IMMP2L: variants seen among roughly 807,000 people sequenced by gnomAD.
IMMP2L encodes mitochondrial inner membrane protease subunit 2.
In IMMP2L, 18 loss-of-function variants were observed where a neutral mutation model predicts 19.3. The observed-to-expected ratio is 0.93, with a 90% CI of 0.64 to 1.38. IMMP2L has a LOEUF of 1.38. IMMP2L is among the 40% of genes most tolerant of loss of function. The pLI is 0.00. For synonymous variants in IMMP2L, 76 were observed against 73.0 expected, an observed-to-expected ratio of 1.04 and a Z score of -0.21; for missense variants, 233 against 218.2, an observed-to-expected ratio of 1.07 and a Z score of -0.43.
chr7:111,320,395 C>T (rs1012510532), intron 3 of IMMP2L, among the ~76,000 whole-genome samples: 1 of 152,112 alleles, frequency 6.6e-6, no homozygotes, highest in African/African-American at 2.4e-5. Flanking sequence ...TCAGCATTTG[C>T]TTCAGCCCAT....
intron 5 of IMMP2L, among the ~76,000 whole-genome samples, chr7:110,756,093 G>A (rs1351795371): frequency 6.6e-6 from 1 of 152,060 alleles, no homozygotes; most frequent in Non-Finnish European, 1.5e-5. Flanking sequence ...GACTACTGAA[G>A]GGACCACTGT....
chr7:110,788,512 CTTCTT>C (rs1411046497), intron 5 of IMMP2L, among the ~76,000 whole-genome samples: 1 of 151,604 alleles, frequency 6.6e-6, no homozygotes, highest in Non-Finnish European at 1.5e-5. Context: ...GTCCTTGGAC[CTTCTT>C]TTCTTTACTT....
At chr7:111,376,841 T>C (rs558613411) in intron 3 of IMMP2L, among the ~76,000 whole-genome samples, 48 of 152,126 alleles carry the variant, frequency 3.2e-4, no homozygotes, top group African/African-American at 9.6e-4. Context: ...ATGTTCAGAA[T>C]AGGAAAATCT....
chr7:110,688,163 C>A (rs1018931380), intron 5 of IMMP2L, among the ~76,000 whole-genome samples: 1 of 151,912 alleles, frequency 6.6e-6, no homozygotes, highest in Non-Finnish European at 1.5e-5. Flanking sequence ...CCAGTTTATG[C>A]CATGTGAATT....
intron 5 of IMMP2L, among the ~76,000 whole-genome samples, chr7:110,839,907 C>T (rs1804893285): frequency 6.6e-6 from 1 of 152,112 alleles, no homozygotes; most frequent in Non-Finnish European, 1.5e-5. Context: ...ACATCCCTCC[C>T]TCCCATGGTT....
chr7:110,975,366 G>A (rs1448449087), intron 3 of IMMP2L, among the ~76,000 whole-genome samples: 4 of 152,108 alleles, frequency 2.6e-5, no homozygotes, highest in Non-Finnish European at 5.9e-5. Context: ...AGACTCAGCT[G>A]TTTAGAATGC....
intron 3 of IMMP2L, among the ~76,000 whole-genome samples, chr7:111,312,070 T>A (rs915631227): frequency 6.6e-6 from 1 of 152,102 alleles, no homozygotes; most frequent in Non-Finnish European, 1.5e-5. Context: ...GGGTCACACA[T>A]GATAAACCCA....
At chr7:111,060,867 T>C (rs73418031) in intron 3 of IMMP2L, among the ~76,000 whole-genome samples, 17,983 of 152,262 alleles carry the variant, frequency 0.12, 1,428 homozygotes, top group Middle Eastern at 0.21. Flanking sequence ...CCTAAAACTT[T>C]AGCTATTTCA....
chr7:110,774,648 C>T (rs1006511276), intron 5 of IMMP2L, among the ~76,000 whole-genome samples: 3 of 151,874 alleles, frequency 2.0e-5, no homozygotes, highest in African/African-American at 7.3e-5. Context: ...TGTTTAGATG[C>T]ACAGGTACTT....
At chr7:111,445,844 G>A (rs968561318) in intron 3 of IMMP2L, among the ~76,000 whole-genome samples, 1 of 152,168 alleles carries the variant, frequency 6.6e-6, no homozygotes, top group Non-Finnish European at 1.5e-5. Context: ...AGGCCAGTGG[G>A]TGCGCGCACC....
At chr7:111,100,582 A>G (rs1797869230) in intron 3 of IMMP2L, among the ~76,000 whole-genome samples, 2 of 150,852 alleles carry the variant, frequency 1.3e-5, no homozygotes, top group Admixed American at 1.3e-4. Context: ...AACACTTAAT[A>G]TAATTCAACT....
chr7:111,182,188 T>C (rs1177946785), intron 3 of IMMP2L, among the ~76,000 whole-genome samples: 1 of 151,994 alleles, frequency 6.6e-6, no homozygotes, highest in Non-Finnish European at 1.5e-5. Flanking sequence ...GTCCATCACT[T>C]TAACATCATC....
At chr7:110,866,773 T>C (rs1808023926) in intron 5 of IMMP2L, among the ~76,000 whole-genome samples, 1 of 152,100 alleles carries the variant, frequency 6.6e-6, no homozygotes, top group Non-Finnish European at 1.5e-5. Context: ...GTTTGTTATT[T>C]AGTGATCTGT....
At position 111,074,250 on chromosome 7, in the gene IMMP2L, C is replaced by T. The variant is rs532548829; in HGVS notation, c.240-110685G>A. 4.6e-5 allele frequency among the ~76,000 whole-genome samples: 7 copies of T among 152,326 alleles called. No individual in the cohort carries two copies. The South Asian group carries it at 1.4e-3, about 32-fold the overall frequency. On this transcript the variant is annotated intron_variant, in intron 3 of 5. Coordinates refer to ENST00000405709, the MANE Select transcript of IMMP2L (RefSeq NM_032549.4). ...AATAAGAAACCTAGTTTATTCACTTCCTGACCTGACTGTCATCTTTCCACC... is the reference window on the plus strand; with the variant it reads ...AATAAGAAACCTAGTTTATTCACTTTCTGACCTGACTGTCATCTTTCCACC...
chr7:110,879,794 T>C (rs2129544782), intron 5 of IMMP2L, among the ~76,000 whole-genome samples: 1 of 152,304 alleles, frequency 6.6e-6, no homozygotes, highest in South Asian at 2.1e-4. Context: ...CTTTTATTTC[T>C]CTTTCTTGAC....
chr7:111,149,103 T>C (rs1803800344), intron 3 of IMMP2L, among the ~76,000 whole-genome samples: 1 of 152,142 alleles, frequency 6.6e-6, no homozygotes, highest in African/African-American at 2.4e-5. Context: ...CAGTAAGTAG[T>C]TATGTTGAAG....
At chr7:111,250,275 A>T (rs1815939034) in intron 3 of IMMP2L, among the ~76,000 whole-genome samples, 1 of 152,182 alleles carries the variant, frequency 6.6e-6, no homozygotes, top group South Asian at 2.1e-4. Context: ...AAATGGAAAA[A>T]CATTCCATGC....
chr7:111,051,386 T>C (rs1270332488), intron 3 of IMMP2L, among the ~76,000 whole-genome samples: 1 of 152,204 alleles, frequency 6.6e-6, no homozygotes, highest in East Asian at 1.9e-4. Flanking sequence ...ATGCATCTAG[T>C]GAACAGTACA....
chr7:111,001,302 C>T (rs982886159), intron 3 of IMMP2L, among the ~76,000 whole-genome samples: 1 of 152,170 alleles, frequency 6.6e-6, no homozygotes, highest in South Asian at 2.1e-4. Flanking sequence ...AGACAATCTT[C>T]TATGAGGGTC....
Sources: allele counts gnomAD v4.1 joint callset (sites outside exome capture counted in the v4.1 genomes callset), GRCh38; gene constraint gnomAD v4.1.1; transcripts MANE v1.5; gene names NCBI Gene and HGNC (gene_info 2026-07-23, HGNC 2026-07-21).